Variants in IRX2 observed in about 807,000 individuals in gnomAD.
The protein encoded by IRX2 is iroquois-class homeodomain protein IRX-2.
IRX2 carries 26 observed loss-of-function variants against 42.9 expected under a neutral mutation model. That is an observed-to-expected ratio of 0.61 (90% CI 0.44 to 0.84). The LOEUF (loss-of-function observed/expected upper bound fraction) is 0.84. Ranked by LOEUF, IRX2 falls within the 40% of genes least tolerant of loss-of-function variation. The pLI is 0.00. For synonymous variants in IRX2, 424 were observed against 353.9 expected, an observed-to-expected ratio of 1.20 and a Z score of -2.22; for missense variants, 782 against 713.9, an observed-to-expected ratio of 1.10 and a Z score of -1.09.
the IRX2 span, among the ~76,000 whole-genome samples, chr5:2,740,183 G>A: frequency 5.1e-4 from 65 of 128,250 alleles, no homozygotes; most frequent in Admixed American, 4.4e-3. Context: ...CGTGGCGTGC[G>A]GGGGCGGGGG....
At chr5:2,738,172 A>T in the IRX2 span, among the ~76,000 whole-genome samples, 1 of 152,206 alleles carries the variant, frequency 6.6e-6, no homozygotes, top group South Asian at 2.1e-4. Context: ...GCCTTAACTC[A>T]GCCCCTTCCT....
downstream of IRX2, among the ~76,000 whole-genome samples, chr5:2,745,080 C>A (rs575174891): frequency 1.1e-4 from 17 of 152,198 alleles, no homozygotes; most frequent in Admixed American, 1.3e-4. Context: ...ATTGGCCTAT[C>A]GGAGCTGGCA....
the IRX2 span, among the ~76,000 whole-genome samples, chr5:2,738,567 T>C: frequency 1.3e-5 from 2 of 152,122 alleles, no homozygotes; most frequent in African/African-American, 4.8e-5. Flanking sequence ...CTCAGTGGGC[T>C]GTTCCCAGGG....
At chr5:2,736,870 T>C in the IRX2 span, 3 of 152,240 alleles carry the variant, frequency 2.0e-5, no homozygotes, top group South Asian at 4.1e-4. Context: ...TTGCACATAT[T>C]TTGTGATTTC....
chr5:2,745,593 A>C (rs1219777422), downstream of IRX2, among the ~76,000 whole-genome samples: 1 of 152,154 alleles, frequency 6.6e-6, no homozygotes, highest in Non-Finnish European at 1.5e-5. Context: ...AGCCACTGAA[A>C]GGAAAGTAAG....
chr5:2,738,714 C>T, the IRX2 span, among the ~76,000 whole-genome samples: 1 of 152,198 alleles, frequency 6.6e-6, no homozygotes, highest in African/African-American at 2.4e-5. Context: ...TCACCACCCC[C>T]AGCCGCACGC....
In IRX2 at chr5:2,748,481, C is replaced by T. The variant is rs750972100; in HGVS notation, c.1227G>A (p.Arg409=). The change falls in exon 3 of 4, where the codon CGG becomes CGA. Residue 409 remains arginine, a synonymous_variant. Coordinates refer to ENST00000302057, the MANE Select transcript of IRX2 (RefSeq NM_033267.5). ...CGGGGGCCGCGGCCGCAGAGTTGTA[C>T]CGCAGGAGACCCTGGCCCTGCAGCG... ...NAALQGQGLL[R]YNSAAAAPGE... 1.3e-6 allele frequency: 2 copies of T among 1,578,474 alleles called. No homozygotes were observed.
intron 1 of IRX2, among the ~76,000 whole-genome samples, chr5:2,750,215 A>T (rs145305475): frequency 6.6e-6 from 1 of 152,112 alleles, no homozygotes; most frequent in African/African-American, 2.4e-5. Context: ...AGAGCCCCCA[A>T]TTCACTATTC....
downstream of IRX2, among the ~76,000 whole-genome samples, chr5:2,744,074 G>A (rs1391471238): frequency 4.4e-4 from 1 of 2,282 alleles, no homozygotes; most frequent in African/African-American, 9.8e-4. Context: ...GAATGGAGTC[G>A]TGTGTGTGTG....
Position 2,746,703 on chromosome 5 carries a change from T to C in IRX2, c.*861A>G, listed in dbSNP as rs1169678149. ...TGGATTTAGACATCTGTTTGTTGTA[T>C]CTGTAAATTTATGAGCTTGGGAAGA... On this transcript the variant is annotated 3_prime_UTR_variant, in exon 4 of 4. Coordinates refer to ENST00000302057, the MANE Select transcript of IRX2 (RefSeq NM_033267.5). 1 of 152,310 alleles carries C rather than the reference T, an allele frequency of 6.6e-6. No individual in the cohort carries two copies. The highest frequency in any genetic ancestry group is 1.5e-5 in the Non-Finnish European group (1 of 67,994). 9.4% of individuals were successfully genotyped at this position (152,310 alleles called of 1,614,324 possible).
chr5:2,747,703 C>T (rs1430322990), intron 3 of IRX2, 87 bp from the exon 4 acceptor site: 11 of 1,330,920 alleles, frequency 8.3e-6, no homozygotes. Context: ...CCTCCACTCC[C>T]AGGCAAACAG....
downstream of IRX2, among the ~76,000 whole-genome samples, chr5:2,742,104 G>A (rs959892998): frequency 6.6e-6 from 1 of 152,198 alleles, no homozygotes; most frequent in Non-Finnish European, 1.5e-5. Context: ...GGACAGAGGT[G>A]CCGGTTGAGG....
rs1579625036 is a variant in IRX2, at chr5:2,747,431, T to C, written c.*133A>G. On this transcript the variant is annotated 3_prime_UTR_variant, in exon 4 of 4. Transcript: ENST00000302057. ...TTAAGGAAAGAAAAGCTGGACAAGATTGAAATGCTCTGTCTTCTAACCCCA... is the reference window on the plus strand; with the variant it reads ...TTAAGGAAAGAAAAGCTGGACAAGACTGAAATGCTCTGTCTTCTAACCCCA... The C allele has an allele frequency of 1.5e-6, 1 of 652,586 alleles. No individual in the cohort carries two copies. The highest frequency in any genetic ancestry group is 2.8e-5 in the East Asian group (1 of 36,310). The allele number at this position is 652,586 out of a possible 1,614,324, so 40.4% of individuals were successfully genotyped here. A position where few individuals can be genotyped will look rare whatever the true frequency, so the allele number is the denominator to read the frequency against.
chr5:2,748,544 G>A lies in IRX2; in HGVS notation c.1164C>T (p.Phe388=), dbSNP rs572317329. The A allele has an allele frequency of 6.3e-6, 10 of 1,577,776 alleles. No individual in the cohort carries two copies. Among genetic ancestry groups the A allele is most frequent in the East Asian group, 2.5e-5 (1 of 39,910 alleles). Residue 388 remains phenylalanine, a synonymous_variant, in exon 3 of 4, where the codon TTC becomes TTT. Transcript: ENST00000302057. ...LGRPLYYTSP[F]YGNYTNYGNL... ...TCCCGTAGTTTGTGTAGTTGCCGTAGAAGGGCGACGTGTAGTAGAGGGGGC... is the reference window on the plus strand; with the variant it reads ...TCCCGTAGTTTGTGTAGTTGCCGTAAAAGGGCGACGTGTAGTAGAGGGGGC...
chr5:2,736,099 T>C, the IRX2 span, among the ~76,000 whole-genome samples: 1 of 152,142 alleles, frequency 6.6e-6, no homozygotes, highest in Non-Finnish European at 1.5e-5. Flanking sequence ...GTTCCTAACA[T>C]CTAGTGCAGT....
At chr5:2,743,079 C>G (rs904416046), downstream of IRX2, among the ~76,000 whole-genome samples, 3 of 152,204 alleles carry the variant, frequency 2.0e-5, no homozygotes, top group African/African-American at 7.2e-5. Flanking sequence ...ACCCCGAGCC[C>G]TCTCCCACCA....
chr5:2,748,091 G>A (rs1294111982), intron 3 of IRX2, among the ~76,000 whole-genome samples: 1 of 152,116 alleles, frequency 6.6e-6, no homozygotes, highest in African/African-American at 2.4e-5. Flanking sequence ...CCGAAACTAA[G>A]ACAGCCACGA....
At chr5:2,742,238 A>G (rs1305503572), downstream of IRX2, among the ~76,000 whole-genome samples, 1 of 152,206 alleles carries the variant, frequency 6.6e-6, no homozygotes, top group African/African-American at 2.4e-5. Flanking sequence ...GCTGAGGTCC[A>G]AGTGCATATT....
chr5:2,751,214 T>G lies in IRX2; in HGVS notation c.200A>C (p.Gln67Pro). 1.5e-6 allele frequency: 2 copies of G among 1,348,012 alleles called. No individual in the cohort carries two copies. The highest frequency in any genetic ancestry group is 1.6e-5 in the African/African-American group (1 of 64,038). 83.5% of individuals were successfully genotyped at this position (1,348,012 alleles called of 1,614,324 possible). A position where few individuals can be genotyped will look rare whatever the true frequency, so the allele number is the denominator to read the frequency against. Residue 67 changes from glutamine (Q) to proline (P), a missense_variant, in exon 1 of 4, where the codon CAG (glutamine) becomes CCG (proline). Around this residue, in one of 3 missense-constraint regions of IRX2, gnomAD observed 256 missense variants for 250.0 expected, o/e 1.02. Transcript: ENST00000302057. This position sits in a 1 kb window ranked among gnomAD's most constrained non-coding sequence, Gnocchi z 4.0. Reference sequence around the variant, plus strand: ...GGCGGCGGCGGCGTCGGCCGAGTACTGCAGCGGGCTCCCGAAGCCGGTGGC... The same window carrying G: ...GGCGGCGGCGGCGTCGGCCGAGTACGGCAGCGGGCTCCCGAAGCCGGTGGC... Reference protein sequence around the residue: ...QAATGFGSPLQYSADAAAAAA... With the variant: ...QAATGFGSPLPYSADAAAAAA...
Sources: allele counts gnomAD v4.1 joint callset (sites outside exome capture counted in the v4.1 genomes callset), GRCh38; gene constraint gnomAD v4.1.1; regional missense constraint gnomAD v4.1.1; non-coding constraint Gnocchi (gnomAD v3.1); transcripts MANE v1.5; gene names NCBI Gene and HGNC (gene_info 2026-07-23, HGNC 2026-07-21).